VPS37B: variants seen among roughly 807,000 people sequenced by gnomAD.
VPS37B encodes the protein vacuolar protein sorting-associated protein 37B.
In VPS37B, 11 loss-of-function variants were observed where a neutral mutation model predicts 21.2. The ratio of observed to expected loss-of-function variants is 0.52; its 90% CI spans 0.33 to 0.86. VPS37B has a LOEUF of 0.86. VPS37B is among the 40% of genes least tolerant of loss of function. VPS37B has a pLI of 0.03. For missense variants in VPS37B, 389 were observed against 374.8 expected (o/e 1.04, Z -0.31); for synonymous variants, 175 against 159.6 (o/e 1.10, Z -0.73).
At chr12:122,890,118 G>GACAA (rs2135712681) in intron 1 of VPS37B, 1 of 152,336 alleles carries the variant, frequency 6.6e-6, no homozygotes, top group South Asian at 2.1e-4. Flanking sequence ...GTAGCAGGTA[G>GACAA]ACAAAGTTCC....
chr12:122,895,721 C>T (rs2135716093), intron 1 of VPS37B, among the ~76,000 whole-genome samples: 1 of 152,042 alleles, frequency 6.6e-6, no homozygotes, highest in South Asian at 2.1e-4. Flanking sequence ...CGCCTCCGCC[C>T]TAGTCTCGGT....
intron 1 of VPS37B, among the ~76,000 whole-genome samples, chr12:122,891,774 C>T (rs1040782852): frequency 5.9e-5 from 9 of 152,220 alleles, no homozygotes; most frequent in Non-Finnish European, 1.2e-4. Flanking sequence ...CATTATGATT[C>T]ATGCAGTAGC....
rs532352372 is a variant in VPS37B at position 122,865,417 on chromosome 12, C to T, written c.*1699G>A. 2.0e-5 allele frequency: 3 copies of T among 152,340 alleles called. No individual in the cohort carries two copies. The East Asian group carries it at 5.8e-4, about 29-fold the overall frequency. The allele number at this position is 152,340 out of a possible 1,614,324, so 9.4% of individuals were successfully genotyped here. On this transcript the variant is annotated 3_prime_UTR_variant, in exon 4 of 4. Coordinates refer to ENST00000267202, the MANE Select transcript of VPS37B (RefSeq NM_024667.3). ...CGGCCCTGGACAGCGACGGCGAGCC[C>T]GGCCAGGGGCCGCTTTGCAACTTCA... is the stretch of plus-strand genomic sequence containing the variant.
Position 122,867,267 on chromosome 12 carries a change from G to T in VPS37B, c.707C>A (p.Pro236Gln), listed in dbSNP as rs756622487. The T allele has an allele frequency of 5.0e-5, 79 of 1,572,136 alleles. No homozygotes were observed. In the Middle Eastern group the frequency reaches 5.4e-4, roughly 11 times the overall value. Residue 236 changes from proline to glutamine, a missense_variant, in exon 4 of 4, where the codon CCA becomes CAA. By Grantham distance (76) the Pro-to-Gln change is moderately conservative. Coordinates refer to ENST00000267202, the MANE Select transcript of VPS37B (RefSeq NM_024667.3). The surrounding 1 kb of genome is among the most constrained non-coding windows in gnomAD (Gnocchi z 5.5). Reference sequence around the variant, plus strand: ...GGGCAGGGGCGGGCACTGTAATCCTGGGTACGGCACGGCCTGTCCCGAACT... The same window carrying T: ...GGGCAGGGGCGGGCACTGTAATCCTTGGTACGGCACGGCCTGTCCCGAACT... ...AMSSGQAVPY[P>Q]GLQCPPLPPR...
chr12:122,878,473 CTGAA>C (rs1447182534), intron 1 of VPS37B: 1 of 152,206 alleles, frequency 6.6e-6, no homozygotes, highest in Non-Finnish European at 1.5e-5. Context: ...TTGTGGTGTG[CTGAA>C]TGGTGTGCCC....
At chr12:122,888,454 C>T (rs2034358613) in intron 1 of VPS37B, 1 of 435,344 alleles carries the variant, frequency 2.3e-6, no homozygotes, top group African/African-American at 2.0e-5. Flanking sequence ...TCAGCATGTT[C>T]TGAGCGCCAG....
rs1286335693 is a variant in VPS37B at position 122,896,111 on chromosome 12, C to T, written c.-49G>A. On this transcript the variant is annotated 5_prime_UTR_variant, in exon 1 of 4. Coordinates refer to ENST00000267202, the MANE Select transcript of VPS37B (RefSeq NM_024667.3). ...CACCGCCGCTGCGGCCACCAGGCTC[C>T]GCCGACCGGAAGCGCCGCCCTCAAG... is the stretch of plus-strand genomic sequence containing the variant. 8 of 1,465,726 alleles carry T rather than the reference C, an allele frequency of 5.5e-6. No individual in the cohort carries two copies. Among genetic ancestry groups the T allele is most frequent in the Non-Finnish European group, 6.3e-6 (7 of 1,113,318 alleles). 90.8% of individuals were successfully genotyped at this position (1,465,726 alleles called of 1,614,324 possible).
rs1566122966 is a variant in VPS37B, at chr12:122,868,499, TTGGCCCCTTC to T, written c.337_346del (p.Glu113ArgfsTer39). ...CTTTACCTCAGTGTCTTCCTCAATC[TTGGCCCCTTC>T]TGCCTGAAGAAGTGCTAACAGGGTC... On this transcript the variant is annotated frameshift_variant, in exon 3 of 4. Transcript: ENST00000267202. LOFTEE classifies it low-confidence loss of function (END_TRUNC). This position sits in a 1 kb window ranked among gnomAD's most constrained non-coding sequence, Gnocchi z 5.5. 6.2e-7 allele frequency: 1 copy of T among 1,613,586 alleles called. No individual in the cohort carries two copies. Among genetic ancestry groups the T allele is most frequent in the Non-Finnish European group, 8.5e-7 (1 of 1,179,900 alleles).
rs779751657 is a variant in VPS37B at position 122,867,441 on chromosome 12, G to A, written c.533C>T (p.Pro178Leu). ...RLPQALAPLP[P>L]RLPELAPTAP... ...GGTAGGTGCCAGTTCGGGCAGCCTGGGGGGCAGCGGGGCCAGGGCCTGTGG... is the reference window on the plus strand; with the variant it reads ...GGTAGGTGCCAGTTCGGGCAGCCTGAGGGGCAGCGGGGCCAGGGCCTGTGG... Residue 178 changes from proline to leucine, a missense_variant, in exon 4 of 4, where the codon CCC becomes CTC. Pro to Leu is a moderately conservative substitution (Grantham distance 98, BLOSUM62 -3). Transcript: ENST00000267202. The surrounding 1 kb of genome is among the most constrained non-coding windows in gnomAD (Gnocchi z 5.5). 3.7e-6 allele frequency: 6 copies of A among 1,612,908 alleles called. No homozygotes were observed. In the South Asian group the frequency reaches 6.6e-5, roughly 18 times the overall value.
intron 1 of VPS37B, chr12:122,871,768 C>T (rs1200473522): frequency 2.1e-6 from 2 of 968,156 alleles, no homozygotes; most frequent in African/African-American, 1.8e-5. Flanking sequence ...AGCCACATGC[C>T]CAGAACTTAG....
chr12:122,867,752 C>T lies in VPS37B; in HGVS notation c.367-145G>A. 9.1e-7 allele frequency: 1 copy of T among 1,093,000 alleles called. No homozygotes were observed. The highest frequency in any genetic ancestry group is 1.3e-6 in the Non-Finnish European group (1 of 758,008). 67.7% of individuals were successfully genotyped at this position (1,093,000 alleles called of 1,614,324 possible). On this transcript the variant is annotated intron_variant, in intron 3 of 3. Transcript: ENST00000267202. This position sits in a 1 kb window ranked among gnomAD's most constrained non-coding sequence, Gnocchi z 5.5. The stretch of plus-strand genomic sequence containing the variant: ...CACCCAGAGGGCCTCGCTCCTGCTC[C>T]AGATCCCAGAGGTCATGGGCTCAGG...
At chr12:122,876,763 A>G (rs2034157164) in intron 1 of VPS37B, 1 of 152,104 alleles carries the variant, frequency 6.6e-6, no homozygotes, top group South Asian at 2.1e-4. Context: ...ACATGTCATT[A>G]TTTCTTTATT....
rs1156691524 is a variant in VPS37B, at chr12:122,866,560, G to A, written c.*556C>T. On this transcript the variant is annotated 3_prime_UTR_variant, in exon 4 of 4. Coordinates refer to ENST00000267202, the MANE Select transcript of VPS37B (RefSeq NM_024667.3). ...AACTTTGCTTGTGGCTCTGAAGCAA[G>A]AGCAGCAGCCAGGTCAGGCGGTGAC... 1 of 152,622 alleles carries A rather than the reference G, an allele frequency of 6.6e-6. No individual in the cohort carries two copies. The highest frequency in any genetic ancestry group is 1.5e-5 in the Non-Finnish European group (1 of 68,072). 9.5% of individuals were successfully genotyped at this position (152,622 alleles called of 1,614,324 possible).
Position 122,896,003 on chromosome 12 carries a change from C to G in VPS37B, c.60G>C (p.Glu20Asp). 1.9e-6 allele frequency: 3 copies of G among 1,605,948 alleles called. No individual in the cohort carries two copies. The highest frequency in any genetic ancestry group is 2.5e-6 in the Non-Finnish European group (3 of 1,177,254). Residue 20 changes from glutamate (E) to aspartate (D), a missense_variant, in exon 1 of 4, where the codon GAG (glutamate) becomes GAC (aspartate). Physicochemically the swap from Glu to Asp is conservative, Grantham distance 45 (BLOSUM62 2). Coordinates refer to ENST00000267202, the MANE Select transcript of VPS37B (RefSeq NM_024667.3). The part of the protein sequence containing the change: ...FAGLSLVQLN[E>D]LLEDEGQLTE... ...TCAGCTGGCCCTCGTCCTCCAGCAG[C>G]TCGTTGAGCTGCACCAGCGACAGCC...
intron 1 of VPS37B, among the ~76,000 whole-genome samples, chr12:122,893,172 T>C (rs1276283048): frequency 6.6e-6 from 1 of 152,190 alleles, no homozygotes; most frequent in African/African-American, 2.4e-5. Flanking sequence ...CTGGTATTAA[T>C]GATTGTCAGT....
intron 1 of VPS37B, chr12:122,888,376 A>C: frequency 2.8e-6 from 1 of 354,188 alleles, no homozygotes; most frequent in Admixed American, 3.6e-5. Context: ...GTAAGACATC[A>C]TTTCCAATGA....
At chr12:122,889,738 AAAG>A (rs944251049) in intron 1 of VPS37B, 5 of 152,316 alleles carry the variant, frequency 3.3e-5, no homozygotes, top group Non-Finnish European at 4.4e-5. Flanking sequence ...AAAAAAAAAA[AAAG>A]AGCAGTTTCA....
intron 1 of VPS37B, chr12:122,872,493 T>G (rs1436453261): frequency 1.0e-6 from 1 of 985,306 alleles, no homozygotes; most frequent in Non-Finnish European, 1.2e-6. Flanking sequence ...AATGCTTTCA[T>G]CTCTTCTGAT....
intron 1 of VPS37B, chr12:122,884,228 G>C (rs564849175): frequency 6.6e-6 from 1 of 152,292 alleles, no homozygotes; most frequent in East Asian, 1.9e-4. Context: ...TTAAGGGAAG[G>C]GGTCCACTAG....
Sources: allele counts gnomAD v4.1 joint callset (sites outside exome capture counted in the v4.1 genomes callset), GRCh38; gene constraint gnomAD v4.1.1; non-coding constraint Gnocchi (gnomAD v3.1); transcripts MANE v1.5; gene names NCBI Gene and HGNC (gene_info 2026-07-23, HGNC 2026-07-21).